Variants in ZNF385D observed in about 807,000 individuals in gnomAD.
ZNF385D encodes zinc finger protein 659.
ZNF385D carries 15 observed loss-of-function variants against 35.8 expected under a neutral mutation model. The ratio of observed to expected loss-of-function variants is 0.42; its 90% CI spans 0.28 to 0.64. ZNF385D has a LOEUF of 0.64. Among genes scored for constraint, ZNF385D ranks in the 30% least tolerant of loss-of-function variants. The pLI is 0.23. For missense variants in ZNF385D, 474 were observed against 494.6 expected (o/e 0.96, Z 0.39); for synonymous variants, 212 against 186.8 (o/e 1.13, Z -1.10).
At chr3:21,838,292 A>C (rs116772091) in intron 3 of ZNF385D, among the ~76,000 whole-genome samples, 4 of 152,224 alleles carry the variant, frequency 2.6e-5, no homozygotes, top group African/African-American at 4.8e-5. Flanking sequence ...TATGTAAGGG[A>C]AAGTTTTCAA....
intron 4 of ZNF385D, among the ~76,000 whole-genome samples, chr3:21,508,132 A>G (rs1246989247): frequency 2.0e-5 from 3 of 152,022 alleles, no homozygotes; most frequent in Non-Finnish European, 2.9e-5. Context: ...AACTTTACAG[A>G]CTTTACTATC....
intron 3 of ZNF385D, among the ~76,000 whole-genome samples, chr3:21,968,173 A>G (rs1330950669): frequency 6.6e-6 from 1 of 152,138 alleles, no homozygotes; most frequent in African/African-American, 2.4e-5. Flanking sequence ...GGAAAGCAAC[A>G]TCGGGTGGAA....
chr3:22,023,208 G>C (rs1465622149), intron 3 of ZNF385D, among the ~76,000 whole-genome samples: 2 of 152,122 alleles, frequency 1.3e-5, no homozygotes, highest in African/African-American at 4.8e-5. Flanking sequence ...GAGATTGCAA[G>C]GGATTAAAAC....
intron 3 of ZNF385D, among the ~76,000 whole-genome samples, chr3:21,520,606 T>G (rs1338961676): frequency 6.6e-6 from 1 of 152,170 alleles, no homozygotes; most frequent in Non-Finnish European, 1.5e-5. Context: ...AAGCTTACCA[T>G]CAAACACAAA....
intron 3 of ZNF385D, among the ~76,000 whole-genome samples, chr3:21,941,471 C>T (rs1021773555): frequency 7.0e-6 from 1 of 142,994 alleles, no homozygotes. Context: ...TGGTCTTTTT[C>T]CATTTTAATT....
At chr3:22,163,376 C>T (rs1706097893) in intron 3 of ZNF385D, among the ~76,000 whole-genome samples, 1 of 152,146 alleles carries the variant, frequency 6.6e-6, no homozygotes, top group Admixed American at 6.5e-5. Context: ...ACTGCAGGAA[C>T]AATAGCCCCC....
intron 3 of ZNF385D, among the ~76,000 whole-genome samples, chr3:21,893,456 A>G (rs1698984547): frequency 1.3e-5 from 2 of 152,188 alleles, no homozygotes; most frequent in Non-Finnish European, 1.5e-5. Flanking sequence ...GGGAATTAGC[A>G]CATGAGATAT....
At chr3:21,527,299 G>C (rs2125520913) in intron 3 of ZNF385D, among the ~76,000 whole-genome samples, 1 of 152,148 alleles carries the variant, frequency 6.6e-6, no homozygotes, top group East Asian at 1.9e-4. Flanking sequence ...AAGATTTCTT[G>C]GTTTACATCC....
chr3:22,160,691 A>T (rs1170657552), intron 3 of ZNF385D, among the ~76,000 whole-genome samples: 2 of 152,140 alleles, frequency 1.3e-5, no homozygotes, highest in Non-Finnish European at 2.9e-5. Context: ...ATGTGCTACA[A>T]AACAATGAAC....
At chr3:22,326,832 C>T (rs941165515) in intron 2 of ZNF385D, among the ~76,000 whole-genome samples, 5 of 152,134 alleles carry the variant, frequency 3.3e-5, no homozygotes, top group Admixed American at 6.5e-5. Flanking sequence ...TACCAAAGCA[C>T]CCCAAAGTAT....
At chr3:22,365,566 G>T (rs1696620268) in intron 2 of ZNF385D, among the ~76,000 whole-genome samples, 1 of 151,894 alleles carries the variant, frequency 6.6e-6, no homozygotes, top group Non-Finnish European at 1.5e-5. Context: ...GTCTTCTATG[G>T]TATGAAACAA....
chr3:22,232,856 T>C (rs1032191885), intron 2 of ZNF385D, among the ~76,000 whole-genome samples: 1 of 152,242 alleles, frequency 6.6e-6, no homozygotes, highest in Non-Finnish European at 1.5e-5. Context: ...GTCTTCTCTC[T>C]GCACAATTCT....
chr3:22,368,748 T>C (rs1696770735), intron 2 of ZNF385D, among the ~76,000 whole-genome samples: 1 of 152,196 alleles, frequency 6.6e-6, no homozygotes, highest in Non-Finnish European at 1.5e-5. Context: ...ACCCGAATCA[T>C]TTCTCAAAGG....
rs79490716 is a variant in ZNF385D at position 22,273,699 on chromosome 3, C to T, written c.106+98751G>A. Reference sequence around the variant, plus strand: ...CAGTGAGAGAACGAGACAGATGTTACAACTGGTTTAAAAGAAAAACAGACA... The same window carrying T: ...CAGTGAGAGAACGAGACAGATGTTATAACTGGTTTAAAAGAAAAACAGACA... On this transcript the variant is annotated intron_variant, in intron 2 of 5. Transcript: ENST00000494108. Among the ~76,000 whole-genome samples the T allele has an allele frequency of 4.4e-3, 676 of 152,076 alleles. 7 individuals carry two copies. Among genetic ancestry groups the T allele is most frequent in the African/African-American group, 0.015 (641 of 41,538 alleles).
chr3:22,372,394 C>T, intron 2 of ZNF385D: 2 of 963,624 alleles, frequency 2.1e-6, no homozygotes, highest in Non-Finnish European at 2.5e-6. Flanking sequence ...CCTTGCCCGG[C>T]GCCCCAACGA....
At chr3:21,675,995 T>C (rs767753739) in intron 1 of ZNF385D, among the ~76,000 whole-genome samples, 18 of 152,138 alleles carry the variant, frequency 1.2e-4, no homozygotes, top group Non-Finnish European at 1.6e-4. Context: ...CAACGTTCCG[T>C]TGTGATTTTT....
chr3:21,826,726 T>C (rs1398942261), intron 3 of ZNF385D, among the ~76,000 whole-genome samples: 1 of 150,618 alleles, frequency 6.6e-6, no homozygotes, highest in Non-Finnish European at 1.5e-5. Flanking sequence ...CCTGCAGTAA[T>C]GAACATTAAA....
At chr3:22,310,151 A>T (rs114308184) in intron 2 of ZNF385D, among the ~76,000 whole-genome samples, 2,513 of 152,122 alleles carry the variant, frequency 0.017, 36 homozygotes, top group Non-Finnish European at 0.026. Context: ...ATTTGGTGAC[A>T]TTATAGCATA....
rs531539309 is a variant in ZNF385D, at chr3:22,239,396, T to G, written c.107-70361A>C. On this transcript the variant is annotated intron_variant, in intron 2 of 5. Coordinates refer to the ZNF385D transcript ENST00000494108. ...TTGTAGAAAATTTGCTAACCCTTGT[T>G]TTAAAGTGTCCTAAGCCAAAATCTG... 9.0e-4 allele frequency among the ~76,000 whole-genome samples: 136 copies of G among 151,158 alleles called. 4 individuals carry two copies. Among genetic ancestry groups the G allele is most frequent in the African/African-American group, 3.1e-3 (126 of 40,876 alleles).
Sources: gnomAD v4.1 joint callset for allele counts (sites outside exome capture counted in the v4.1 genomes callset) on GRCh38, gnomAD v4.1.1 for gene constraint, MANE v1.5 for transcripts, NCBI Gene and HGNC (gene_info 2026-07-23, HGNC 2026-07-21) for gene names.